The following MIPOL1 variants were observed in gnomAD, a reference collection of about 807,000 sequenced individuals.
MIPOL1 encodes the protein mirror-image polydactyly 1.
Under a neutral mutation model 60.9 loss-of-function variants are expected in MIPOL1, and 57 were observed. The observed-to-expected ratio is 0.94, with a 90% CI of 0.76 to 1.17. MIPOL1 has a LOEUF of 1.17. Ranked by LOEUF, MIPOL1 falls within the 50% of genes most tolerant of loss-of-function variation. MIPOL1 has a pLI of 0.00. For missense variants in MIPOL1, 551 were observed against 511.6 expected (o/e 1.08, Z -0.74); for synonymous variants, 179 against 168.8 (o/e 1.06, Z -0.47).
intron 11 of MIPOL1, among the ~76,000 whole-genome samples, chr14:37,491,396 G>A (rs1015153070): frequency 7.2e-5 from 11 of 152,134 alleles, no homozygotes; most frequent in South Asian, 2.1e-4. Context: ...GGGTGTGGTG[G>A]CATGTGCCTG....
chr14:37,330,662 A>G (rs949180534), intron 9 of MIPOL1, among the ~76,000 whole-genome samples: 4 of 151,294 alleles, frequency 2.6e-5, no homozygotes, highest in African/African-American at 9.7e-5. Context: ...AACATCAGAT[A>G]CTTCTAAAGT....
chr14:37,304,260 G>C (rs184427305), intron 7 of MIPOL1, among the ~76,000 whole-genome samples: 73 of 151,348 alleles, frequency 4.8e-4, no homozygotes, highest in African/African-American at 1.7e-3. Context: ...TTGTATCTCT[G>C]TTACAGTGTC....
intron 9 of MIPOL1, among the ~76,000 whole-genome samples, chr14:37,331,080 G>A (rs148646454): frequency 4.4e-4 from 67 of 152,058 alleles, no homozygotes; most frequent in Non-Finnish European, 6.8e-4. Context: ...AGTCTATCCT[G>A]TGGTTCCATA....
chr14:37,225,026 A>G (rs1448887305), intron 1 of MIPOL1, among the ~76,000 whole-genome samples: 1 of 152,154 alleles, frequency 6.6e-6, no homozygotes, highest in Non-Finnish European at 1.5e-5. Context: ...AAGTTCCAGA[A>G]TGATCTCCTT....
intron 1 of MIPOL1, among the ~76,000 whole-genome samples, chr14:37,244,296 T>C (rs1401649992): frequency 6.6e-6 from 1 of 151,596 alleles, no homozygotes; most frequent in African/African-American, 2.4e-5. Flanking sequence ...AATTTTTTTT[T>C]ATTTTTAGTA....
chr14:37,357,492 T>G (rs2091929126), intron 9 of MIPOL1, among the ~76,000 whole-genome samples: 1 of 152,214 alleles, frequency 6.6e-6, no homozygotes, highest in Admixed American at 6.5e-5. Flanking sequence ...TTGATTTGCA[T>G]TTCGTTGATG....
chr14:37,333,820 T>C (rs1187827417), intron 9 of MIPOL1, among the ~76,000 whole-genome samples: 1 of 152,052 alleles, frequency 6.6e-6, no homozygotes, highest in Non-Finnish European at 1.5e-5. Flanking sequence ...TGACAGACGA[T>C]TTGAACAAAA....
intron 12 of MIPOL1, among the ~76,000 whole-genome samples, chr14:37,512,980 A>G (rs990575908): frequency 1.3e-5 from 2 of 152,126 alleles, no homozygotes; most frequent in Non-Finnish European, 2.9e-5. Context: ...GTTATTTGTA[A>G]TAGTTTATCA....
chr14:37,419,681 G>T (rs565082505), intron 10 of MIPOL1, among the ~76,000 whole-genome samples: 1 of 151,840 alleles, frequency 6.6e-6, no homozygotes, highest in Non-Finnish European at 1.5e-5. Context: ...TTTCTTTGGC[G>T]CTGGGAAGGA....
intron 3 of MIPOL1, among the ~76,000 whole-genome samples, chr14:37,259,291 C>T (rs992499251): frequency 6.6e-6 from 1 of 152,030 alleles, no homozygotes; most frequent in African/African-American, 2.4e-5. Context: ...GACAGTGGCT[C>T]ACACCTATAA....
At chr14:37,359,494 C>A (rs2092088205) in intron 9 of MIPOL1, among the ~76,000 whole-genome samples, 2 of 152,048 alleles carry the variant, frequency 1.3e-5, no homozygotes, top group African/African-American at 2.4e-5. Context: ...ATTTGTTTGT[C>A]TCTTCTTTTA....
At chr14:37,454,419 A>C (rs1006446217) in intron 11 of MIPOL1, among the ~76,000 whole-genome samples, 1 of 152,226 alleles carries the variant, frequency 6.6e-6, no homozygotes, top group Non-Finnish European at 1.5e-5. Flanking sequence ...TATTTTTGGC[A>C]GTCCTTTTAT....
intron 11 of MIPOL1, among the ~76,000 whole-genome samples, chr14:37,448,912 C>G (rs1160003637): frequency 6.6e-6 from 1 of 152,148 alleles, no homozygotes; most frequent in Non-Finnish European, 1.5e-5. Flanking sequence ...GTTCAAATTC[C>G]ATGACAGACA....
chr14:37,200,868 GT>G (rs1965163710), intron 1 of MIPOL1, among the ~76,000 whole-genome samples: 1 of 83,204 alleles, frequency 1.2e-5, no homozygotes, highest in Admixed American at 1.2e-4. Context: ...GTGTGTGTGT[GT>G]GTGTGTGTGT....
At position 37,470,619 on chromosome 14, in the gene MIPOL1, T is replaced by G. The variant is rs531446791; in HGVS notation, c.1032-29289T>G. Among the ~76,000 whole-genome samples, 9 of 152,262 alleles carry G rather than the reference T, an allele frequency of 5.9e-5. No individual in the cohort carries two copies. The East Asian group carries it at 1.6e-3, about 26-fold the overall frequency. On this transcript the variant is annotated intron_variant, in intron 11 of 12. Coordinates refer to ENST00000684589, the MANE Select transcript of MIPOL1 (RefSeq NM_001388067.1). ...CACAGCCTGCAGAACTGTGAGCCAATTAAACCCCTTTTCTTACAAATTACC... is the reference window on the plus strand; with the variant it reads ...CACAGCCTGCAGAACTGTGAGCCAAGTAAACCCCTTTTCTTACAAATTACC...
chr14:37,530,945 G>A (rs2095475317), intron 12 of MIPOL1, among the ~76,000 whole-genome samples: 2 of 151,988 alleles, frequency 1.3e-5, no homozygotes, highest in East Asian at 1.9e-4. Context: ...AGCCCCCCGA[G>A]TAGCTGAGAT....
In MIPOL1 at chr14:37,433,833, G is replaced by A. The variant is rs374199762; in HGVS notation, c.1031+10884G>A. ...GGCCTCCCAAAGTGCCAGGATTACA[G>A]GCATGAGCCACCGCACCCGACCCTG... is the stretch of plus-strand genomic sequence containing the variant. On this transcript the variant is annotated intron_variant, in intron 11 of 12. Coordinates refer to ENST00000684589, the MANE Select transcript of MIPOL1 (RefSeq NM_001388067.1). Among the ~76,000 whole-genome samples, 8 of 152,222 alleles carry A rather than the reference G, an allele frequency of 5.3e-5. No individual in the cohort carries two copies. The East Asian group carries it at 5.8e-4, about 11-fold the overall frequency.
At chr14:37,316,984 C>G (rs1190214522) in intron 9 of MIPOL1, among the ~76,000 whole-genome samples, 1 of 151,960 alleles carries the variant, frequency 6.6e-6, no homozygotes, top group Non-Finnish European at 1.5e-5. Context: ...TCTAAACAAA[C>G]AAACAAACAA....
At chr14:37,235,172 C>T (rs984941489) in intron 1 of MIPOL1, among the ~76,000 whole-genome samples, 1 of 152,030 alleles carries the variant, frequency 6.6e-6, no homozygotes, top group Non-Finnish European at 1.5e-5. Context: ...TGCTTCTGAG[C>T]TATTGTTCTC....
Sources: allele counts gnomAD v4.1 joint callset (sites outside exome capture counted in the v4.1 genomes callset), GRCh38; gene constraint gnomAD v4.1.1; transcripts MANE v1.5; gene names NCBI Gene and HGNC (gene_info 2026-07-23, HGNC 2026-07-21).